Variants in SKP2 observed in about 807,000 individuals in gnomAD.
SKP2 encodes the protein S-phase kinase associated protein 2.
In SKP2, 16 loss-of-function variants were observed where a neutral mutation model predicts 51.8. The observed-to-expected ratio is 0.31, with a 90% CI of 0.21 to 0.47. SKP2 has a LOEUF of 0.47. SKP2 is among the 20% of genes least tolerant of loss of function. The pLI is 1.00. For missense variants in SKP2, 377 were observed against 505.3 expected (o/e 0.75, Z 2.43); for synonymous variants, 176 against 198.6 (o/e 0.89, Z 0.96).
chr5:36,190,279 A>G (rs1468416253), intron 6 of SKP2, among the ~76,000 whole-genome samples: 1 of 152,082 alleles, frequency 6.6e-6, no homozygotes, highest in African/African-American at 2.4e-5. Flanking sequence ...CCCCAGTTGG[A>G]AATGCAGAAA....
intron 9 of SKP2, chr5:36,180,211 A>G (rs760213662): frequency 3.1e-6 from 4 of 1,274,854 alleles, no homozygotes; most frequent in East Asian, 4.6e-5. Context: ...ATATACCAGA[A>G]CCAGAATTCT....
chr5:36,177,466 G>A, intron 9 of SKP2, 174 bp downstream of exon 9: 1 of 699,460 alleles, frequency 1.4e-6, no homozygotes, highest in South Asian at 1.5e-5. Context: ...GTGAAATTGA[G>A]TTGATCCAGA....
At chr5:36,173,638 G>A (rs1449869048) in intron 7 of SKP2, among the ~76,000 whole-genome samples, 1 of 152,112 alleles carries the variant, frequency 6.6e-6, no homozygotes, top group East Asian at 1.9e-4. Context: ...CTTTCCCTTT[G>A]TTCCTCCAAG....
intron 7 of SKP2, among the ~76,000 whole-genome samples, chr5:36,175,085 G>A (rs749935344): frequency 3.9e-5 from 6 of 152,134 alleles, no homozygotes; most frequent in Non-Finnish European, 8.8e-5. Context: ...GAAGTATGAA[G>A]CAGGGAGACC....
chr5:36,166,760 C>T, intron 4 of SKP2, 98 bp downstream of exon 4: 1 of 1,077,570 alleles, frequency 9.3e-7, no homozygotes, highest in Non-Finnish European at 1.3e-6. Flanking sequence ...GCCTTAAAGC[C>T]TATGGTAGGT....
At position 36,163,878 on chromosome 5, in the gene SKP2, T is replaced by C. The variant is rs576016835; in HGVS notation, c.392+122T>C. 95 of 639,930 alleles carry C rather than the reference T, an allele frequency of 1.5e-4. No homozygotes were observed. In the South Asian group the frequency reaches 1.6e-3, roughly 11 times the overall value. 39.6% of individuals were successfully genotyped at this position (639,930 alleles called of 1,614,324 possible). A position where few individuals can be genotyped will look rare whatever the true frequency, so the allele number is the denominator to read the frequency against. ...ATAGAGCAGCGCAAAGCAAACTAGG[T>C]ATCTTCATATTTTTATTAATCAGTG... On this transcript the variant is annotated intron_variant, in intron 3 of 9. Coordinates refer to ENST00000274255, the MANE Select transcript of SKP2 (RefSeq NM_005983.4).
intron 2 of SKP2, among the ~76,000 whole-genome samples, chr5:36,154,954 G>A (rs1390873252): frequency 2.0e-5 from 3 of 152,208 alleles, no homozygotes; most frequent in African/African-American, 7.2e-5. Flanking sequence ...GGTGATCAGA[G>A]TCTAAATTGA....
In SKP2 at chr5:36,171,627, G is replaced by C; in HGVS notation, c.795G>C (p.Trp265Cys). ...CSRLDELNLS[W>C]CFDFTEKHVQ... The stretch of plus-strand genomic sequence containing the variant: ...GACTGGATGAGCTGAACCTCTCCTG[G>C]TGTTTTGATTTCACTGAAAAGCATG... Residue 265 changes from tryptophan (W) to cysteine (C), a missense_variant, in exon 7 of 10, where the codon TGG (tryptophan) becomes TGC (cysteine). Trp to Cys is a radical substitution (Grantham distance 215). This residue lies in a region of SKP2 where 262 missense variants were observed against 389.8 expected (regional missense o/e 0.67). Transcript: ENST00000274255. 1 of 1,613,776 alleles carries C rather than the reference G, an allele frequency of 6.2e-7. No individual in the cohort carries two copies. Among genetic ancestry groups the C allele is most frequent in the Non-Finnish European group, 8.5e-7 (1 of 1,179,764 alleles).
intron 7 of SKP2, chr5:36,193,449 G>A (rs1400332742): frequency 1.3e-5 from 2 of 148,770 alleles, no homozygotes; most frequent in African/African-American, 5.0e-5. Flanking sequence ...AGTCCAGCCT[G>A]GGTGACAAAG....
rs1744785583 is a variant in SKP2 at position 36,152,800 on chromosome 5, G to A, written c.38G>A (p.Ser13Asn). ...RKHLQEIPDL[S>N]SNVATSFTWG... ...CACCTCCAGGAGATTCCAGACCTGA[G>A]TAGCAACGTTGCCACCAGCTTCACG... Residue 13 changes from serine (S) to asparagine (N), a missense_variant, in exon 2 of 10, where the codon AGT becomes AAT. By Grantham distance (46) the Ser-to-Asn change is conservative (BLOSUM62 1). This residue lies in a region of SKP2 where 115 missense variants were observed against 115.5 expected (regional missense o/e 1.00). Coordinates refer to ENST00000274255, the MANE Select transcript of SKP2 (RefSeq NM_005983.4). 2 of 1,614,014 alleles carry A rather than the reference G, an allele frequency of 1.2e-6. No homozygotes were observed. Among genetic ancestry groups the A allele is most frequent in the Non-Finnish European group, 1.7e-6 (2 of 1,180,030 alleles).
chr5:36,177,855 A>G (rs1391631888), intron 9 of SKP2, among the ~76,000 whole-genome samples: 2 of 152,106 alleles, frequency 1.3e-5, no homozygotes, highest in African/African-American at 4.8e-5. Flanking sequence ...ACTTATTCAA[A>G]CCTGATGGTG....
At chr5:36,155,546 A>T (rs1415989616) in intron 2 of SKP2, among the ~76,000 whole-genome samples, 1 of 152,144 alleles carries the variant, frequency 6.6e-6, no homozygotes, top group Admixed American at 6.5e-5. Context: ...AAGCCAACAA[A>T]ATTCCTGACA....
intron 2 of SKP2, among the ~76,000 whole-genome samples, chr5:36,153,331 C>A (rs770675114): frequency 6.6e-6 from 1 of 152,098 alleles, no homozygotes. Flanking sequence ...CTGCCTGCCT[C>A]AAGGCCAGCT....
intron 2 of SKP2, among the ~76,000 whole-genome samples, chr5:36,156,733 C>T (rs1212269108): frequency 6.6e-6 from 1 of 152,126 alleles, no homozygotes; most frequent in East Asian, 1.9e-4. Flanking sequence ...TCTTCCATGA[C>T]TCTTAAATGC....
At chr5:36,181,752 A>G in intron 9 of SKP2, 66 bp from the exon 10 acceptor site, 1 of 1,570,558 alleles carries the variant, frequency 6.4e-7, no homozygotes, top group Non-Finnish European at 8.7e-7. Context: ...AATTTGGGTC[A>G]TATAACTCTA....
intron 7 of SKP2, 51 bp downstream of exon 7, chr5:36,171,784 A>G: frequency 6.4e-7 from 1 of 1,568,918 alleles, no homozygotes; most frequent in East Asian, 2.2e-5. Flanking sequence ...ATAATAGATG[A>G]GATTCATTGA....
At chr5:36,178,184 T>TC (rs1745694055) in intron 9 of SKP2, among the ~76,000 whole-genome samples, 1 of 152,120 alleles carries the variant, frequency 6.6e-6, no homozygotes, top group South Asian at 2.1e-4. Flanking sequence ...TTAGAGTTGA[T>TC]CAGGTGCCCA....
Position 36,183,803 on chromosome 5 carries a change from A to C in SKP2, c.*1772A>C. On this transcript the variant is annotated 3_prime_UTR_variant, in exon 10 of 10. Coordinates refer to ENST00000274255, the MANE Select transcript of SKP2 (RefSeq NM_005983.4). ...TGATGCTTCAATTTCTTAATAGTTA[A>C]AAAGTGCTAAATACTACTTGAAATT... The C allele has an allele frequency of 6.5e-7, 1 of 1,528,768 alleles. No homozygotes were observed. The highest frequency in any genetic ancestry group is 2.4e-5 in the East Asian group (1 of 42,466). The allele number at this position is 1,528,768 out of a possible 1,614,324, so 94.7% of individuals were successfully genotyped here. A position where few individuals can be genotyped will look rare whatever the true frequency, so the allele number is the denominator to read the frequency against.
intron 1 of SKP2, among the ~76,000 whole-genome samples, chr5:36,152,525 T>C (rs1048250704): frequency 9.9e-5 from 15 of 152,158 alleles, no homozygotes; most frequent in African/African-American, 3.4e-4. Flanking sequence ...TCTCTCCTTG[T>C]CTGTTCCCTC....
Sources: allele counts gnomAD v4.1 joint callset (sites outside exome capture counted in the v4.1 genomes callset), GRCh38; gene constraint gnomAD v4.1.1; regional missense constraint gnomAD v4.1.1; transcripts MANE v1.5; gene names NCBI Gene and HGNC (gene_info 2026-07-23, HGNC 2026-07-21).